ARID1B: variants seen among roughly 807,000 people sequenced by gnomAD.
ARID1B encodes the protein AT-rich interactive domain-containing protein 1B.
Under a neutral mutation model 212.3 loss-of-function variants are expected in ARID1B, and 30 were observed. The ratio of observed to expected loss-of-function variants is 0.14; its 90% confidence interval spans 0.11 to 0.19. The LOEUF is 0.19. Among genes scored for constraint, ARID1B ranks in the 10% least tolerant of loss-of-function variants. The probability of loss-of-function intolerance (pLI) is 1.00; values close to 1 mark genes in which losing one functional copy is unlikely to be tolerated. For synonymous variants in ARID1B, 1,402 were observed against 1,301.7 expected (o/e 1.08, Z -1.66); for missense variants, 2,891 against 3,204.0 (o/e 0.90, Z 2.36).
At chr6:157,189,457 C>T (rs1793204192) in intron 13 of ARID1B, among the ~76,000 whole-genome samples, 185 bp from the exon 14 acceptor site, 1 of 152,186 alleles carries the variant, frequency 6.6e-6, no homozygotes, top group African/African-American at 2.4e-5. Flanking sequence ...CTAATTTTTA[C>T]TGTAAACAAT....
intron 4 of ARID1B, chr6:156,938,739 T>C (rs1000448260): frequency 6.6e-6 from 1 of 152,220 alleles, no homozygotes; most frequent in South Asian, 2.1e-4. Context: ...TGTAACAACT[T>C]TGCATTATAA....
chr6:157,065,437 A>C (rs918374737), intron 4 of ARID1B, among the ~76,000 whole-genome samples: 4 of 152,380 alleles, frequency 2.6e-5, no homozygotes, highest in African/African-American at 9.6e-5. Context: ...TTTTAAATTA[A>C]AAAACCGTCT....
rs1192469300 is a variant in ARID1B at position 157,200,653 on chromosome 6, G to T, written c.4480-52G>T. ...ACTATTTTGCATAATTTCAGTGTGTGATTATACCTGTAAGAGCACATCAGG... is the reference window on the plus strand; with the variant it reads ...ACTATTTTGCATAATTTCAGTGTGTTATTATACCTGTAAGAGCACATCAGG... On this transcript the variant is annotated intron_variant, in intron 17 of 19. Transcript: ENST00000636930. The surrounding 1 kb of genome is among the most constrained non-coding windows in gnomAD (Gnocchi z 4.3). 37 of 1,531,348 alleles carry T rather than the reference G, an allele frequency of 2.4e-5. No individual in the cohort carries two copies. The highest frequency in any genetic ancestry group is 2.2e-5 in the Non-Finnish European group (25 of 1,139,932). The allele number at this position is 1,531,348 out of a possible 1,614,324, so 94.9% of individuals were successfully genotyped here. A position where few individuals can be genotyped will look rare whatever the true frequency, so the allele number is the denominator to read the frequency against.
intron 5 of ARID1B, 26 bp from the exon 6 acceptor site, chr6:157,110,446 T>A: frequency 6.2e-7 from 1 of 1,609,586 alleles, no homozygotes; most frequent in African/African-American, 1.3e-5. Flanking sequence ...TTCCCCCATC[T>A]CCACTTTCCC....
rs2114991498 is a variant in ARID1B at position 156,778,953 on chromosome 6, G to A, written c.1273G>A (p.Ala425Thr). ...GGAGAGAVAA[A>T]AAAAAAAAGG... ...AGCAGGAGCGGGAGCTGTGGCGGCG[G>A]CGGCCGCGGCGGCGGCGGCAGCAGC... Residue 425 changes from alanine (A) to threonine (T), a missense_variant, in exon 1 of 20, where the codon GCG becomes ACG. Ala to Thr is a moderately conservative substitution (Grantham distance 58). This residue lies in a region of ARID1B where 1,643 missense variants were observed against 1,544.0 expected (regional missense o/e 1.06). Transcript: ENST00000636930. 7.8e-7 allele frequency: 1 copy of A among 1,288,420 alleles called. No homozygotes were observed. The highest frequency in any genetic ancestry group is 9.7e-7 in the Non-Finnish European group (1 of 1,026,838). The allele number at this position is 1,288,420 out of a possible 1,614,324, so 79.8% of individuals were successfully genotyped here. A position where few individuals can be genotyped will look rare whatever the true frequency, so the allele number is the denominator to read the frequency against.
chr6:156,950,957 T>C (rs1040231441), intron 4 of ARID1B, among the ~76,000 whole-genome samples: 3 of 152,210 alleles, frequency 2.0e-5, no homozygotes, highest in Non-Finnish European at 4.4e-5. Context: ...TTTTTTAAAA[T>C]ACTCTGGTAT....
At chr6:157,032,093 G>A (rs997388060) in intron 4 of ARID1B, among the ~76,000 whole-genome samples, 2 of 152,184 alleles carry the variant, frequency 1.3e-5, no homozygotes, top group Admixed American at 1.3e-4. Flanking sequence ...CACCACGCCC[G>A]GCCCAAAATG....
chr6:157,207,927 T>G lies in ARID1B; in HGVS notation c.*36T>G, dbSNP rs1794590459. ...AAGGCAAGCATGTGTGAGTGAAGATTAGAGGGTCACATATAACTGGCTGTT... is the reference window on the plus strand; with the variant it reads ...AAGGCAAGCATGTGTGAGTGAAGATGAGAGGGTCACATATAACTGGCTGTT... On this transcript the variant is annotated 3_prime_UTR_variant, in exon 20 of 20. Coordinates refer to ENST00000636930, the MANE Select transcript of ARID1B (RefSeq NM_001374828.1). The surrounding 1 kb of genome is among the most constrained non-coding windows in gnomAD (Gnocchi z 8.5). 6.9e-7 allele frequency: 1 copy of G among 1,455,494 alleles called. No individual in the cohort carries two copies. Among genetic ancestry groups the G allele is most frequent in the Non-Finnish European group, 9.1e-7 (1 of 1,101,140 alleles). 90.2% of individuals were successfully genotyped at this position (1,455,494 alleles called of 1,614,324 possible). A position where few individuals can be genotyped will look rare whatever the true frequency, so the allele number is the denominator to read the frequency against.
chr6:156,894,294 T>TGGGATGGGGGCCGGGGGGGG (rs1390573780), intron 2 of ARID1B, among the ~76,000 whole-genome samples: 4 of 12,884 alleles, frequency 3.1e-4, no homozygotes, highest in African/African-American at 6.0e-4. Context: ...GCCGGGGGGT[T>TGGGATGGGGGCCGGGGGGGG]GGGATGGGGG....
chr6:156,822,435 G>A (rs1315297662), intron 1 of ARID1B, among the ~76,000 whole-genome samples: 1 of 152,210 alleles, frequency 6.6e-6, no homozygotes, highest in African/African-American at 2.4e-5. Flanking sequence ...TGGGAGACTT[G>A]ACTCTGGTCT....
At position 157,087,874 on chromosome 6, in the gene ARID1B, A is replaced by G. The variant is rs532992024; in HGVS notation, c.2491+2969A>G. On this transcript the variant is annotated intron_variant, in intron 5 of 19. Coordinates refer to ENST00000636930, the MANE Select transcript of ARID1B (RefSeq NM_001374828.1). The stretch of plus-strand genomic sequence containing the variant: ...AGGTTAAGAGGAAGACCGGAAAACG[A>G]GAGAGAATGACTGTACCCCAGAGAT... Among the ~76,000 whole-genome samples, 15 of 152,128 alleles carry G rather than the reference A, an allele frequency of 9.9e-5. No homozygotes were observed. In the East Asian group the frequency reaches 1.4e-3, roughly 14 times the overall value.
chr6:157,166,776 T>C (rs1412375199), intron 8 of ARID1B: 1 of 327,124 alleles, frequency 3.1e-6, no homozygotes, highest in Non-Finnish European at 5.5e-6. Flanking sequence ...TCTATATAAA[T>C]AATAACCTGG....
chr6:156,991,522 G>A (rs1299502609), intron 4 of ARID1B, among the ~76,000 whole-genome samples: 3 of 152,186 alleles, frequency 2.0e-5, no homozygotes, highest in East Asian at 1.9e-4. Context: ...ATGAGCCACT[G>A]CGCCTGGCAC....
Position 157,181,162 on chromosome 6 carries a change from T to G in ARID1B, c.3698T>G (p.Ile1233Ser), listed in dbSNP as rs375581771. 19 of 1,614,050 alleles carry G rather than the reference T, an allele frequency of 1.2e-5. No homozygotes were observed. The highest frequency in any genetic ancestry group is 1.4e-5 in the Non-Finnish European group (17 of 1,180,046). ...LFRLYVCVKE[I>S]GGLAQVNKNK... ...CGACTCTACGTCTGCGTCAAAGAGATCGGGGGTTTGGCCCAGGTAAGAATG... is the reference window on the plus strand; with the variant it reads ...CGACTCTACGTCTGCGTCAAAGAGAGCGGGGGTTTGGCCCAGGTAAGAATG... Residue 1233 changes from isoleucine (I) to serine (S), a missense_variant, in exon 12 of 20, where the codon ATC becomes AGC. Ile to Ser is a moderately radical substitution (Grantham distance 142). Around this residue, in one of 7 missense-constraint regions of ARID1B, gnomAD observed 666 missense variants for 873.5 expected, o/e 0.76. Coordinates refer to ENST00000636930, the MANE Select transcript of ARID1B (RefSeq NM_001374828.1).
At chr6:157,187,512 C>G (rs534225573) in intron 13 of ARID1B, among the ~76,000 whole-genome samples, 1 of 152,188 alleles carries the variant, frequency 6.6e-6, no homozygotes, top group African/African-American at 2.4e-5. Flanking sequence ...CACCCTACTT[C>G]GCTCAACCCC....
rs1264221880 is a variant in ARID1B at position 156,778,042 on chromosome 6, C to A, written c.362C>A (p.Ser121Tyr). 11 of 1,536,342 alleles carry A rather than the reference C, an allele frequency of 7.2e-6. No homozygotes were observed. Among genetic ancestry groups the A allele is most frequent in the Non-Finnish European group, 9.6e-6 (11 of 1,145,930 alleles). Residue 121 changes from serine to tyrosine, a missense_variant, in exon 1 of 20, where the codon TCC becomes TAC. By Grantham distance (144) the Ser-to-Tyr change is moderately radical. Around this residue, in one of 7 missense-constraint regions of ARID1B, gnomAD observed 1,643 missense variants for 1,544.0 expected, o/e 1.06. Coordinates refer to ENST00000636930, the MANE Select transcript of ARID1B (RefSeq NM_001374828.1). ...GGSAAALSSS[S>Y]SSSAAAAAAS... ...AGCGCCGCCGCGCTGTCCTCCTCCT[C>A]CTCCTCCTCCGCGGCGGCAGCGGCG...
At chr6:157,010,278 GTTTTTTTTTTTTTT>G (rs367851681) in intron 4 of ARID1B, among the ~76,000 whole-genome samples, 5 of 102,290 alleles carry the variant, frequency 4.9e-5, no homozygotes, top group South Asian at 3.8e-4. Context: ...TGCATTGCCT[GTTTTTTTTTTTTTT>G]TTTTTTTTTT....
chr6:156,868,301 A>AT (rs1353838076), intron 2 of ARID1B, among the ~76,000 whole-genome samples: 1 of 152,330 alleles, frequency 6.6e-6, no homozygotes, highest in Admixed American at 6.5e-5. Context: ...GGGTGCTTCT[A>AT]TTGTATTGTT....
intron 3 of ARID1B, among the ~76,000 whole-genome samples, chr6:156,902,504 A>C (rs1487528813): frequency 6.6e-6 from 1 of 152,104 alleles, no homozygotes; most frequent in Non-Finnish European, 1.5e-5. Context: ...GGTTTCTTAC[A>C]TATTTTCTTG....
Sources: gnomAD v4.1 joint callset for allele counts (sites outside exome capture counted in the v4.1 genomes callset) on GRCh38, gnomAD v4.1.1 for gene constraint, gnomAD v4.1.1 regional missense constraint, Gnocchi (gnomAD v3.1) non-coding constraint, MANE v1.5 for transcripts, NCBI Gene and HGNC (gene_info 2026-07-23, HGNC 2026-07-21) for gene names.